IL1RAPL2: variants seen among roughly 807,000 people sequenced by gnomAD.
The protein encoded by IL1RAPL2 is interleukin 1 receptor accessory protein like 2, also known as X-linked interleukin-1 receptor accessory protein-like 2.
In IL1RAPL2, 3 loss-of-function variants were observed where a neutral mutation model predicts 44.1. That is an observed-to-expected ratio of 0.07 (90% CI 0.03 to 0.18). IL1RAPL2 has a LOEUF of 0.18. Among genes scored for constraint, IL1RAPL2 ranks in the 10% least tolerant of loss-of-function variants. IL1RAPL2 has a pLI of 1.00. For missense variants in IL1RAPL2, 391 were observed against 496.4 expected (o/e 0.79, Z 2.02); for synonymous variants, 181 against 178.8 (o/e 1.01, Z -0.10).
At chrX:105,177,170 A>T (rs903013898) in intron 2 of IL1RAPL2, among the ~76,000 whole-genome samples, 1 of 110,469 alleles carries the variant, frequency 9.1e-6, no homozygotes, top group African/African-American at 3.3e-5. Context: ...TGCTCTCATT[A>T]CTGCCTGAGC....
intron 2 of IL1RAPL2, among the ~76,000 whole-genome samples, chrX:104,857,049 C>A (rs912221126): frequency 1.8e-5 from 2 of 112,079 alleles, no homozygotes; most frequent in African/African-American, 6.5e-5. Flanking sequence ...TGAAGACATT[C>A]CCACAATGCC....
intron 5 of IL1RAPL2, among the ~76,000 whole-genome samples, chrX:105,345,452 A>T (rs1321394515): frequency 8.9e-6 from 1 of 111,807 alleles, no homozygotes; most frequent in African/African-American, 3.2e-5. Context: ...GGTCGTGTTA[A>T]TATGAAGCCC....
At chrX:105,328,920 C>T (rs2034963174) in intron 5 of IL1RAPL2, among the ~76,000 whole-genome samples, 1 of 111,995 alleles carries the variant, frequency 8.9e-6, no homozygotes, top group Admixed American at 9.5e-5. Flanking sequence ...TGTAAGTACA[C>T]TATATGTTGT....
intron 2 of IL1RAPL2, among the ~76,000 whole-genome samples, chrX:105,027,105 A>G (rs1043851556): frequency 8.1e-5 from 9 of 111,747 alleles, no homozygotes; most frequent in African/African-American, 2.9e-4. Flanking sequence ...TGGTGCTGGG[A>G]AGACGATATC....
chrX:104,724,993 G>A (rs770893613), intron 2 of IL1RAPL2, among the ~76,000 whole-genome samples: 2 of 110,912 alleles, frequency 1.8e-5, no homozygotes, highest in Non-Finnish European at 3.8e-5. Context: ...CCATCAACTC[G>A]TCAACTACAT....
At chrX:105,155,388 G>C (rs956877972) in intron 2 of IL1RAPL2, among the ~76,000 whole-genome samples, 2 of 111,025 alleles carry the variant, frequency 1.8e-5, no homozygotes, top group African/African-American at 6.6e-5. Context: ...TTTAAGATTG[G>C]GGAAAACTGG....
At chrX:105,299,670 T>C (rs1331826560) in intron 5 of IL1RAPL2, among the ~76,000 whole-genome samples, 6 of 111,922 alleles carry the variant, frequency 5.4e-5, no homozygotes, top group Non-Finnish European at 9.4e-5. Flanking sequence ...CAATTTTTAA[T>C]TTCCTATGAC....
chrX:104,951,087 C>T (rs1174143450), intron 2 of IL1RAPL2, among the ~76,000 whole-genome samples: 2 of 111,999 alleles, frequency 1.8e-5, no homozygotes, highest in Non-Finnish European at 3.8e-5. Context: ...CTGGCACTCC[C>T]TAGTGAGATG....
At chrX:104,775,509 G>C (rs898464778) in intron 2 of IL1RAPL2, among the ~76,000 whole-genome samples, 2 of 111,891 alleles carry the variant, frequency 1.8e-5, no homozygotes, top group African/African-American at 6.5e-5. Flanking sequence ...TTTCTGAAGG[G>C]TTTTGTTGAG....
chrX:105,318,239 G>C (rs564005452), intron 5 of IL1RAPL2, among the ~76,000 whole-genome samples: 15 of 111,190 alleles, frequency 1.3e-4, no homozygotes, highest in East Asian at 2.8e-4. Flanking sequence ...TCCCAAAGTG[G>C]TGGGATTACA....
At chrX:105,307,637 T>C (rs2034760665) in intron 5 of IL1RAPL2, among the ~76,000 whole-genome samples, 1 of 62,023 alleles carries the variant, frequency 1.6e-5, no homozygotes, top group Non-Finnish European at 2.6e-5. Context: ...ATATATATTA[T>C]ATATAATATA....
At chrX:105,061,188 T>A (rs1467728691) in intron 2 of IL1RAPL2, among the ~76,000 whole-genome samples, 2 of 111,540 alleles carry the variant, frequency 1.8e-5, no homozygotes, top group African/African-American at 6.5e-5. Context: ...CTATAAACTT[T>A]CCTCTTAGTG....
intron 2 of IL1RAPL2, among the ~76,000 whole-genome samples, chrX:104,917,545 A>G (rs929550666): frequency 4.5e-5 from 5 of 111,766 alleles, no homozygotes; most frequent in Non-Finnish European, 5.6e-5. Context: ...GGCTTTGCCA[A>G]ATAAAGTCAC....
At chrX:104,755,014 G>A (rs1019737135) in intron 2 of IL1RAPL2, among the ~76,000 whole-genome samples, 3 of 111,530 alleles carry the variant, frequency 2.7e-5, no homozygotes, top group Non-Finnish European at 5.7e-5. Context: ...TAGGAAACCA[G>A]GACACAATCT....
At chrX:104,602,375 G>A (rs898048547) in intron 1 of IL1RAPL2, among the ~76,000 whole-genome samples, 1 of 111,581 alleles carries the variant, frequency 9.0e-6, no homozygotes, top group Admixed American at 9.5e-5. Flanking sequence ...AGGGCCCTGG[G>A]TTTCAAGCAC....
At chrX:104,635,921 G>A (rs1202803226) in intron 1 of IL1RAPL2, among the ~76,000 whole-genome samples, 34 of 111,965 alleles carry the variant, frequency 3.0e-4, no homozygotes, top group African/African-American at 1.0e-3. Context: ...GAGGCACTCT[G>A]ATTTTTAGAG....
intron 2 of IL1RAPL2, among the ~76,000 whole-genome samples, chrX:105,158,634 G>A (rs1252262472): frequency 8.9e-6 from 1 of 112,156 alleles, no homozygotes; most frequent in Non-Finnish European, 1.9e-5. Flanking sequence ...TACCTTGCTA[G>A]TTAAAGCTAT....
intron 1 of IL1RAPL2, among the ~76,000 whole-genome samples, chrX:104,574,043 A>G (rs1412113431): frequency 8.9e-6 from 1 of 111,872 alleles, no homozygotes; most frequent in African/African-American, 3.2e-5. Flanking sequence ...GAAAATCTAT[A>G]TAATTACAAT....
At chrX:104,672,107 T>C (rs754484297) in intron 2 of IL1RAPL2, among the ~76,000 whole-genome samples, 1 of 111,794 alleles carries the variant, frequency 8.9e-6, no homozygotes, top group South Asian at 3.8e-4. Context: ...TTCTTTCTTT[T>C]TTTTTTATAC....
Sources: allele counts gnomAD v4.1 joint callset (sites outside exome capture counted in the v4.1 genomes callset), GRCh38; gene constraint gnomAD v4.1.1; transcripts MANE v1.5; gene names NCBI Gene and HGNC (gene_info 2026-07-23, HGNC 2026-07-21).